Variants in ITGB1BP1 observed in about 807,000 individuals in gnomAD.
The protein encoded by ITGB1BP1 is integrin beta-1-binding protein 1.
A neutral mutation model predicts 28.0 loss-of-function variants in ITGB1BP1; 20 were observed. The ratio of observed to expected loss-of-function variants is 0.71; its 90% CI spans 0.50 to 1.04. The LOEUF (loss-of-function observed/expected upper bound fraction) is 1.04. ITGB1BP1 is among the 50% of genes least tolerant of loss of function. The probability of loss-of-function intolerance (pLI) is 0.00; values close to 1 mark genes in which losing one functional copy is unlikely to be tolerated. For missense variants in ITGB1BP1, 228 were observed against 242.5 expected (o/e 0.94, Z 0.40); for synonymous variants, 103 against 89.5 (o/e 1.15, Z -0.85).
rs1678997179 is a variant in ITGB1BP1, at chr2:9,415,416, CACA to C, written c.73-1163_73-1161del. On this transcript the variant is annotated intron_variant, in intron 2 of 6. Transcript: ENST00000355346. The surrounding 1 kb of genome is among the most constrained non-coding windows in gnomAD (Gnocchi z 4.1). The stretch of plus-strand genomic sequence containing the variant: ...ACAAAAACACACACACAAAAAAAAA[CACA>C]ACAATACAAAAATTAGCCAGGCTTG... Among the ~76,000 whole-genome samples the C allele has an allele frequency of 6.6e-6, 1 of 150,708 alleles. No individual in the cohort carries two copies. The highest frequency in any genetic ancestry group is 2.4e-5 in the African/African-American group (1 of 40,948).
Position 9,412,383 on chromosome 2 carries a change from A to T in ITGB1BP1, c.174T>A (p.Asp58Glu). The change falls in exon 4 of 7, where the codon GAT (aspartate) becomes GAA (glutamate). Residue 58 changes from aspartate (D) to glutamate (E), a missense_variant. Transcript: ENST00000355346. Reference protein sequence around the residue: ...KSSGQSNNNSDTCAEFRIKYV... With the variant: ...KSSGQSNNNSETCAEFRIKYV... ...ATTTTATTCGAAATTCTGCACAGGT[A>T]TCTGAATTATTGTTGCTTTGTCCTG... 1 of 1,608,388 alleles carries T rather than the reference A, an allele frequency of 6.2e-7. No individual in the cohort carries two copies. Among genetic ancestry groups the T allele is most frequent in the Non-Finnish European group, 8.5e-7 (1 of 1,178,468 alleles).
intron 4 of ITGB1BP1, among the ~76,000 whole-genome samples, chr2:9,409,014 C>T (rs530090040): frequency 6.6e-6 from 1 of 152,378 alleles, no homozygotes; most frequent in South Asian, 2.1e-4. Context: ...GAAGGCGTGT[C>T]TGGTGATGCC....
At position 9,423,501 on chromosome 2, in the gene ITGB1BP1, G is replaced by C; in HGVS notation, c.-164C>G. ...CGGCTTTTCCAGCCCTCCTGCCCAC[G>C]TCCGCCGGGCCGCGCCTCCAAGACT... On this transcript the variant is annotated 5_prime_UTR_variant, in exon 1 of 7. Coordinates refer to ENST00000355346, the MANE Select transcript of ITGB1BP1 (RefSeq NM_004763.5). The C allele has an allele frequency of 1.7e-6, 2 of 1,187,102 alleles. No homozygotes were observed. Among genetic ancestry groups the C allele is most frequent in the African/African-American group, 3.2e-5 (2 of 61,750 alleles). The allele number at this position is 1,187,102 out of a possible 1,614,324, so 73.5% of individuals were successfully genotyped here.
chr2:9,407,988 TG>T (rs745923252), intron 5 of ITGB1BP1, 124 bp downstream of exon 5: 6 of 645,282 alleles, frequency 9.3e-6, no homozygotes, highest in Admixed American at 2.9e-5. Flanking sequence ...TAAGACCAAC[TG>T]CCAGGAATGT....
chr2:9,408,271 T>C, intron 4 of ITGB1BP1, 66 bp from the exon 5 acceptor site: 1 of 980,132 alleles, frequency 1.0e-6, no homozygotes, highest in Non-Finnish European at 1.6e-6. Context: ...GTCTGACTAG[T>C]CACTTTGAGT....
In ITGB1BP1 at chr2:9,412,408, G is replaced by A. The variant is rs201017480; in HGVS notation, c.152-3C>T. ...ATCTGAATTATTGTTGCTTTGTCCT[G>A]AAGATGAAAGAAAAGTGGTAAGACT... On this transcript the variant is annotated splice_region_variant and splice_polypyrimidine_tract_variant and intron_variant, in intron 3 of 6. Transcript: ENST00000355346. 4.5e-4 allele frequency: 715 copies of A among 1,597,992 alleles called. 1 individual carries two copies. The highest frequency in any genetic ancestry group is 6.3e-4 in the Admixed American group (35 of 55,974).
chr2:9,421,631 G>C (rs1679856663), intron 1 of ITGB1BP1, among the ~76,000 whole-genome samples: 2 of 150,798 alleles, frequency 1.3e-5, no homozygotes, highest in Non-Finnish European at 2.9e-5. Flanking sequence ...AGCTTGCAGT[G>C]AGCCGAGATC....
In ITGB1BP1 at chr2:9,405,419, A is replaced by G. The variant is rs922770142; in HGVS notation, c.*1415T>C. 3 of 152,658 alleles carry G rather than the reference A, an allele frequency of 2.0e-5. No individual in the cohort carries two copies. Among genetic ancestry groups the G allele is most frequent in the African/African-American group, 7.2e-5 (3 of 41,458 alleles). 9.5% of individuals were successfully genotyped at this position (152,658 alleles called of 1,614,324 possible). On this transcript the variant is annotated 3_prime_UTR_variant, in exon 7 of 7. Coordinates refer to ENST00000355346, the MANE Select transcript of ITGB1BP1 (RefSeq NM_004763.5). ...TGGGATGATGGCTCAGAACATGTAC[A>G]CAGACTAAGAGTAACTGTGTGATCT...
At chr2:9,421,541 G>T (rs991932635) in intron 1 of ITGB1BP1, among the ~76,000 whole-genome samples, 1 of 152,050 alleles carries the variant, frequency 6.6e-6, no homozygotes, top group East Asian at 1.9e-4. Flanking sequence ...CAAAAAATTG[G>T]CTGTGCGTGG....
At position 9,406,652 on chromosome 2, in the gene ITGB1BP1, G is replaced by A. The variant is rs1047463441; in HGVS notation, c.*182C>T. 3.3e-6 allele frequency: 2 copies of A among 598,742 alleles called. No individual in the cohort carries two copies. The highest frequency in any genetic ancestry group is 6.0e-6 in the Non-Finnish European group (2 of 333,324). 37.1% of individuals were successfully genotyped at this position (598,742 alleles called of 1,614,324 possible). On this transcript the variant is annotated 3_prime_UTR_variant, in exon 7 of 7. Coordinates refer to ENST00000355346, the MANE Select transcript of ITGB1BP1 (RefSeq NM_004763.5). ...CCCAGAAAATAGATGACTTCATTGAGAGTTAACTCACTGTGTAATAGGACA... is the reference window on the plus strand; with the variant it reads ...CCCAGAAAATAGATGACTTCATTGAAAGTTAACTCACTGTGTAATAGGACA...
At chr2:9,406,979 CACACA>C in intron 6 of ITGB1BP1, 74 bp from the exon 7 acceptor site, 1 of 1,110,204 alleles carries the variant, frequency 9.0e-7, no homozygotes, top group Non-Finnish European at 1.4e-6. Flanking sequence ...CTAGCAGAGG[CACACA>C]CCTGACCCTC....
At chr2:9,422,739 G>A in intron 1 of ITGB1BP1, 1 of 985,594 alleles carries the variant, frequency 1.0e-6, no homozygotes. Context: ...TGTACCAAAC[G>A]CCTACCACGT....
intron 4 of ITGB1BP1, among the ~76,000 whole-genome samples, chr2:9,409,034 G>T (rs1421034955): frequency 1.3e-5 from 2 of 152,196 alleles, no homozygotes; most frequent in African/African-American, 2.4e-5. Flanking sequence ...CACGCCTCAG[G>T]GCTTCGGGCT....
chr2:9,408,076 C>G (rs181463323), intron 5 of ITGB1BP1, 37 bp downstream of exon 5: 3 of 1,168,610 alleles, frequency 2.6e-6, no homozygotes, highest in African/African-American at 3.1e-5. Context: ...TCCCTGTTAT[C>G]TAAAACATAG....
At chr2:9,413,034 G>A (rs11692768) in intron 3 of ITGB1BP1, among the ~76,000 whole-genome samples, 46,746 of 152,102 alleles carry the variant, frequency 0.31, 9,941 homozygotes, top group African/African-American at 0.61. Flanking sequence ...TGTGTGTGCC[G>A]CAACATCCAG....
intron 2 of ITGB1BP1, among the ~76,000 whole-genome samples, chr2:9,414,909 G>C (rs576625477): frequency 6.6e-6 from 1 of 152,306 alleles, no homozygotes; most frequent in East Asian, 1.9e-4. Context: ...CACATGTAAA[G>C]GGAGTTGTTC....
intron 1 of ITGB1BP1, chr2:9,422,747 C>A (rs1680047791): frequency 2.0e-6 from 2 of 985,628 alleles, no homozygotes; most frequent in East Asian, 2.3e-4. Flanking sequence ...ACGCCTACCA[C>A]GTGCCATGCA....
At chr2:9,407,879 C>T (rs2148867349) in intron 5 of ITGB1BP1, 1 of 548,170 alleles carries the variant, frequency 1.8e-6, no homozygotes, top group East Asian at 2.9e-5. Context: ...CATTCGGAGC[C>T]ATCTGTGTGT....
At chr2:9,417,567 T>C (rs1338819971) in intron 2 of ITGB1BP1, among the ~76,000 whole-genome samples, 2 of 152,052 alleles carry the variant, frequency 1.3e-5, no homozygotes, top group East Asian at 3.9e-4. Context: ...TACAGGTGTG[T>C]GCCACCACAC....
Sources: gnomAD v4.1 joint callset for allele counts (sites outside exome capture counted in the v4.1 genomes callset) on GRCh38, gnomAD v4.1.1 for gene constraint, Gnocchi (gnomAD v3.1) non-coding constraint, MANE v1.5 for transcripts, NCBI Gene and HGNC (gene_info 2026-07-23, HGNC 2026-07-21) for gene names.